ZSWIM5: variants seen among roughly 807,000 people sequenced by gnomAD.
ZSWIM5 encodes zinc finger SWIM domain-containing protein 5.
ZSWIM5 carries 55 observed loss-of-function variants against 119.6 expected under a neutral mutation model. That is an observed-to-expected ratio of 0.46 (90% CI 0.37 to 0.58). The LOEUF (loss-of-function observed/expected upper bound fraction) is 0.58, where lower values mean the gene tolerates loss of function less well. ZSWIM5 is among the 20% of genes least tolerant of loss of function. The probability of loss-of-function intolerance (pLI) is 0.00; values close to 1 mark genes in which losing one functional copy is unlikely to be tolerated. For synonymous variants in ZSWIM5, 537 were observed against 606.9 expected (o/e 0.88, Z 1.69); for missense variants, 1,193 against 1,512.8 (o/e 0.79, Z 3.51).
Position 45,142,232 on chromosome 1 carries a change from G to T in ZSWIM5, c.596-53995C>A, listed in dbSNP as rs144240684. Among the ~76,000 whole-genome samples the T allele has an allele frequency of 2.7e-3, 417 of 152,174 alleles. 2 individuals are homozygous for T. Among genetic ancestry groups the T allele is most frequent in the African/African-American group, 9.4e-3 (390 of 41,538 alleles). ...TCTCAAAAAAATTAATAAATAAAAAGAATTATTAGAGATAACTACACATAC... is the reference window on the plus strand; with the variant it reads ...TCTCAAAAAAATTAATAAATAAAAATAATTATTAGAGATAACTACACATAC... On this transcript the variant is annotated intron_variant, in intron 1 of 13. Transcript: ENST00000359600.
chr1:45,031,695 C>A (rs1644954181), intron 11 of ZSWIM5, among the ~76,000 whole-genome samples: 1 of 151,876 alleles, frequency 6.6e-6, no homozygotes, highest in Non-Finnish European at 1.5e-5. Flanking sequence ...AAAAAATTAG[C>A]CGGGCGTGGT....
chr1:45,088,195 G>C lies in ZSWIM5; in HGVS notation c.638C>G (p.Ser213Cys), dbSNP rs773156643. The C allele has an allele frequency of 6.2e-6, 10 of 1,613,352 alleles. No individual in the cohort carries two copies. In the South Asian group the frequency reaches 1.1e-4, roughly 18 times the overall value. The stretch of plus-strand genomic sequence containing the variant: ...AACTTTATAAGTCACTGCTGGTTCA[G>C]AGGCAGTGGCCAGCTCAGTTACTGT... ...SGTVTELATASEPAVTYKVAI... is the reference protein window; with the variant it reads ...SGTVTELATACEPAVTYKVAI... Residue 213 changes from serine to cysteine, a missense_variant, in exon 2 of 14, where the codon TCT becomes TGT. By Grantham distance (112) the Ser-to-Cys change is moderately radical. Coordinates refer to ENST00000359600, the MANE Select transcript of ZSWIM5 (RefSeq NM_020883.2). The surrounding 1 kb of genome is among the most constrained non-coding windows in gnomAD (Gnocchi z 4.2).
Position 45,020,643 on chromosome 1 carries a change from G to A in ZSWIM5, c.2595C>T (p.Ala865=). 2 of 1,613,798 alleles carry A rather than the reference G, an allele frequency of 1.2e-6. No individual in the cohort carries two copies. The highest frequency in any genetic ancestry group is 1.7e-6 in the Non-Finnish European group (2 of 1,179,926). ...SSTDSTLLNV[A]LELGLQVMRM... ...TCCATACCTGTAACCCAAGTTCCAG[G>A]GCAACGTTGAGCAGGGTGCTGTCAG... The change falls in exon 12 of 14, where the codon GCC becomes GCT. Residue 865 remains alanine (A), a synonymous_variant. Coordinates refer to ENST00000359600, the MANE Select transcript of ZSWIM5 (RefSeq NM_020883.2).
At chr1:45,181,931 G>A (rs2149049189) in intron 1 of ZSWIM5, among the ~76,000 whole-genome samples, 1 of 152,180 alleles carries the variant, frequency 6.6e-6, no homozygotes, top group South Asian at 2.1e-4. Context: ...CCTGAAGGAA[G>A]CACTAAACAT....
intron 1 of ZSWIM5, among the ~76,000 whole-genome samples, chr1:45,169,243 T>C (rs577077412): frequency 5.3e-5 from 8 of 151,782 alleles, no homozygotes; most frequent in African/African-American, 1.7e-4. Context: ...TTCTAATCCT[T>C]CCTCCTTTAA....
intron 1 of ZSWIM5, among the ~76,000 whole-genome samples, chr1:45,106,041 T>C (rs1205274701): frequency 4.1e-5 from 6 of 146,714 alleles, no homozygotes; most frequent in Non-Finnish European, 6.0e-5. Flanking sequence ...GAGGAGCGCC[T>C]CTGCCCGGCC....
At chr1:45,184,404 T>G (rs1396919817) in intron 1 of ZSWIM5, among the ~76,000 whole-genome samples, 1 of 152,166 alleles carries the variant, frequency 6.6e-6, no homozygotes, top group Non-Finnish European at 1.5e-5. Context: ...GCCAGGGCAA[T>G]TAGGCAGGAG....
chr1:45,083,784 A>C (rs1645308735), intron 2 of ZSWIM5, among the ~76,000 whole-genome samples: 1 of 152,240 alleles, frequency 6.6e-6, no homozygotes, highest in South Asian at 2.1e-4. Flanking sequence ...ACTGTTCCAC[A>C]AGATGTGCAG....
chr1:45,060,243 G>A lies in ZSWIM5; in HGVS notation c.957C>T (p.Ala319=). Residue 319 remains alanine, a synonymous_variant, in exon 3 of 14, where the codon GCC becomes GCT. Transcript: ENST00000359600. The part of the protein sequence containing the change: ...SNSEINQVNG[A]PDPTAGASID... ...TGCTGGCCCCAGCTGTGGGGTCAGG[G>A]GCACCTATGAAGAATGAGAACAGTG... The A allele has an allele frequency of 1.2e-6, 2 of 1,613,570 alleles. No individual in the cohort carries two copies. Among genetic ancestry groups the A allele is most frequent in the African/African-American group, 1.3e-5 (1 of 74,998 alleles).
intron 2 of ZSWIM5, among the ~76,000 whole-genome samples, chr1:45,077,615 AG>A (rs1481756758): frequency 6.6e-6 from 1 of 152,246 alleles, no homozygotes; most frequent in Non-Finnish European, 1.5e-5. Flanking sequence ...ATCAGGAGAC[AG>A]GGTTTTGAGA....
intron 11 of ZSWIM5, among the ~76,000 whole-genome samples, chr1:45,024,816 G>A (rs1384904362): frequency 1.3e-5 from 2 of 151,948 alleles, no homozygotes; most frequent in South Asian, 4.2e-4. Flanking sequence ...TACCATGCCT[G>A]GCTAATTTTT....
chr1:45,074,780 T>G (rs1645246560), intron 2 of ZSWIM5, among the ~76,000 whole-genome samples: 1 of 151,946 alleles, frequency 6.6e-6, no homozygotes, highest in Non-Finnish European at 1.5e-5. Context: ...TGCTCTTGCT[T>G]TTCTAGTTCT....
chr1:45,065,581 A>C (rs1645177963), intron 2 of ZSWIM5, among the ~76,000 whole-genome samples: 1 of 152,242 alleles, frequency 6.6e-6, no homozygotes, highest in African/African-American at 2.4e-5. Flanking sequence ...CTTGAGAGTT[A>C]CTAACAGTAC....
chr1:45,078,116 T>C (rs376507046), intron 2 of ZSWIM5, among the ~76,000 whole-genome samples: 19 of 152,292 alleles, frequency 1.2e-4, no homozygotes, highest in Admixed American at 3.3e-4. Context: ...AGGGTATTGA[T>C]TGGGGAAGTG....
chr1:45,149,393 T>C (rs1186296059), intron 1 of ZSWIM5, among the ~76,000 whole-genome samples: 3 of 152,226 alleles, frequency 2.0e-5, no homozygotes, highest in Non-Finnish European at 2.9e-5. Flanking sequence ...ATCAACTGAA[T>C]ATACAATTTA....
chr1:45,150,857 C>T (rs1645793035), intron 1 of ZSWIM5, among the ~76,000 whole-genome samples: 1 of 152,132 alleles, frequency 6.6e-6, no homozygotes, highest in African/African-American at 2.4e-5. Context: ...GGGAAAGACC[C>T]AGACCTTTAT....
chr1:45,022,698 C>A (rs769393012), intron 11 of ZSWIM5, among the ~76,000 whole-genome samples: 2 of 152,140 alleles, frequency 1.3e-5, no homozygotes, highest in Non-Finnish European at 2.9e-5. Context: ...ACATCTTATA[C>A]TAATGTGGTA....
At chr1:45,037,760 G>T (rs1274377036) in intron 8 of ZSWIM5, among the ~76,000 whole-genome samples, 1 of 152,198 alleles carries the variant, frequency 6.6e-6, no homozygotes, top group Non-Finnish European at 1.5e-5. Context: ...AGAGAAATCT[G>T]AATCCCTACA....
At chr1:45,025,398 T>C (rs1055067842) in intron 11 of ZSWIM5, among the ~76,000 whole-genome samples, 4 of 152,194 alleles carry the variant, frequency 2.6e-5, no homozygotes, top group Admixed American at 6.5e-5. Flanking sequence ...AATCTATAGA[T>C]CACATTGGGA....
Sources: allele counts gnomAD v4.1 joint callset (sites outside exome capture counted in the v4.1 genomes callset), GRCh38; gene constraint gnomAD v4.1.1; non-coding constraint Gnocchi (gnomAD v3.1); transcripts MANE v1.5; gene names NCBI Gene and HGNC (gene_info 2026-07-23, HGNC 2026-07-21).